TRPM3: variants seen among roughly 807,000 people sequenced by gnomAD.
TRPM3 encodes the protein long transient receptor potential channel 3.
A neutral mutation model predicts 181.2 loss-of-function variants in TRPM3; 77 were observed. The ratio of observed to expected loss-of-function variants is 0.42; its 90% CI spans 0.35 to 0.51. The LOEUF (loss-of-function observed/expected upper bound fraction) is 0.51. Ranked by LOEUF, TRPM3 falls within the 20% of genes least tolerant of loss-of-function variation. The pLI is 0.01. For synonymous variants in TRPM3, 745 were observed against 796.4 expected, an observed-to-expected ratio of 0.94 and a Z score of 1.09; for missense variants, 1,759 against 2,196.7, an observed-to-expected ratio of 0.80 and a Z score of 3.98.
At chr9:70,624,457 T>C (rs994423167) in intron 14 of TRPM3, among the ~76,000 whole-genome samples, 10 of 152,120 alleles carry the variant, frequency 6.6e-5, no homozygotes, top group Non-Finnish European at 7.4e-5. Context: ...ACTAGTGAAT[T>C]TCAGTGTAAC....
intron 1 of TRPM3, among the ~76,000 whole-genome samples, chr9:71,168,585 AT>A (rs1220995079): frequency 2.6e-4 from 9 of 35,036 alleles, no homozygotes; most frequent in Admixed American, 1.8e-3. Context: ...TTTGTTTTTT[AT>A]TTTTTTATTT....
chr9:70,856,773 G>A (rs1468384158), intron 3 of TRPM3, among the ~76,000 whole-genome samples: 1 of 152,082 alleles, frequency 6.6e-6, no homozygotes, highest in African/African-American at 2.4e-5. Flanking sequence ...AATTTAATAG[G>A]GAGTGTAAAT....
intron 1 of TRPM3, among the ~76,000 whole-genome samples, chr9:71,141,724 A>G (rs2075111067): frequency 6.6e-6 from 1 of 152,146 alleles, no homozygotes; most frequent in Admixed American, 6.5e-5. Flanking sequence ...CTTAAAATAA[A>G]TTTTTATTAC....
At chr9:71,066,336 T>G (rs540627010) in intron 1 of TRPM3, among the ~76,000 whole-genome samples, 1 of 152,296 alleles carries the variant, frequency 6.6e-6, no homozygotes, top group East Asian at 1.9e-4. Context: ...CTAAGTTTCC[T>G]GAGAAACTGA....
intron 9 of TRPM3, among the ~76,000 whole-genome samples, chr9:70,641,330 C>T (rs1481518339): frequency 6.6e-6 from 1 of 152,182 alleles, no homozygotes; most frequent in East Asian, 1.9e-4. Context: ...CTCTGCTCTA[C>T]CACACATTTT....
chr9:70,835,043 T>C (rs1352704108), intron 5 of TRPM3, among the ~76,000 whole-genome samples: 1 of 152,154 alleles, frequency 6.6e-6, no homozygotes, highest in Non-Finnish European at 1.5e-5. Flanking sequence ...GCTCTGTCAG[T>C]GCACATGAGA....
chr9:70,782,795 T>A (rs189124241), intron 7 of TRPM3, among the ~76,000 whole-genome samples: 10 of 151,584 alleles, frequency 6.6e-5, no homozygotes, highest in South Asian at 2.1e-4. Context: ...TATTATTATT[T>A]TTTGGTTTCA....
In TRPM3 at chr9:71,265,785, T is replaced by C. The variant is rs368174325; in HGVS notation, c.183+180868A>G. ...CATTTTCCTTTCTAATATCCAGCCA[T>C]TAGCTGAGTCATTAGACTACTGTCA... On this transcript the variant is annotated intron_variant, in intron 1 of 24. Coordinates refer to the TRPM3 transcript ENST00000357533. Among the ~76,000 whole-genome samples, 91 of 152,332 alleles carry C rather than the reference T, an allele frequency of 6.0e-4. 1 individual carries two copies. In the Middle Eastern group the frequency reaches 0.01, roughly 17 times the overall value.
intron 1 of TRPM3, among the ~76,000 whole-genome samples, chr9:71,144,303 C>T (rs950625597): frequency 1.3e-5 from 2 of 152,106 alleles, no homozygotes; most frequent in African/African-American, 4.8e-5. Context: ...GTAATTTACC[C>T]AATATTGGCA....
chr9:71,327,632 T>C (rs968436756), intron 1 of TRPM3, among the ~76,000 whole-genome samples: 33 of 152,208 alleles, frequency 2.2e-4, no homozygotes, highest in African/African-American at 6.8e-4. Context: ...AATGTTTAAA[T>C]AACATAGTCT....
chr9:71,403,885 A>C (rs2093388174), intron 1 of TRPM3, among the ~76,000 whole-genome samples: 1 of 151,010 alleles, frequency 6.6e-6, no homozygotes, highest in African/African-American at 2.5e-5. Context: ...CACAGGAATC[A>C]AACTTAAATT....
At chr9:71,334,097 T>G (rs1299691122) in intron 1 of TRPM3, among the ~76,000 whole-genome samples, 1 of 151,804 alleles carries the variant, frequency 6.6e-6, no homozygotes, top group African/African-American at 2.4e-5. Flanking sequence ...TAATTTTTCT[T>G]CTAAAGTATA....
In TRPM3 at chr9:70,630,787, C is replaced by T. The variant is rs550421528; in HGVS notation, c.1632+4424G>A. On this transcript the variant is annotated intron_variant, in intron 12 of 25. Coordinates refer to ENST00000677713, the MANE Select transcript of TRPM3 (RefSeq NM_001366145.2). ...CAGGCTTGGGTTCTATGAGTAGGTACGATTTGACAACTTGAAAATGTTGTC... is the reference window on the plus strand; with the variant it reads ...CAGGCTTGGGTTCTATGAGTAGGTATGATTTGACAACTTGAAAATGTTGTC... 9.2e-5 allele frequency among the ~76,000 whole-genome samples: 14 copies of T among 152,262 alleles called. No homozygotes were observed. In the South Asian group the frequency reaches 2.9e-3, roughly 32 times the overall value.
At chr9:70,645,755 TA>T (rs200543844) in intron 9 of TRPM3, among the ~76,000 whole-genome samples, 461 of 138,840 alleles carry the variant, frequency 3.3e-3, no homozygotes, top group African/African-American at 0.011. Flanking sequence ...AAAAAAAAAA[TA>T]AAAAAAATAA....
intron 5 of TRPM3, among the ~76,000 whole-genome samples, chr9:70,833,321 C>T (rs1440807534): frequency 1.3e-5 from 2 of 152,190 alleles, no homozygotes; most frequent in African/African-American, 4.8e-5. Context: ...AATCACAGGC[C>T]TTCTGCAATC....
intron 1 of TRPM3, among the ~76,000 whole-genome samples, chr9:70,891,401 G>C (rs1015361104): frequency 6.6e-6 from 1 of 152,122 alleles, no homozygotes; most frequent in Non-Finnish European, 1.5e-5. Context: ...GAAAAAAGCA[G>C]AATTATAAGC....
At chr9:70,651,920 C>A (rs1244700093) in intron 9 of TRPM3, among the ~76,000 whole-genome samples, 2 of 152,012 alleles carry the variant, frequency 1.3e-5, no homozygotes, top group African/African-American at 4.8e-5. Context: ...ATTCCTCTAA[C>A]TGAAATATTG....
chr9:70,666,414 C>T (rs561774235), intron 9 of TRPM3, among the ~76,000 whole-genome samples: 1 of 152,176 alleles, frequency 6.6e-6, no homozygotes, highest in South Asian at 2.1e-4. Context: ...AGAGCACATC[C>T]TCCAGTAGTT....
chr9:70,954,989 G>A (rs1008395884), intron 1 of TRPM3, among the ~76,000 whole-genome samples: 3 of 152,112 alleles, frequency 2.0e-5, no homozygotes, highest in African/African-American at 4.8e-5. Flanking sequence ...GAGTGCCTGC[G>A]AGTTACTTAC....
Sources: gnomAD v4.1 joint callset for allele counts (sites outside exome capture counted in the v4.1 genomes callset) on GRCh38, gnomAD v4.1.1 for gene constraint, MANE v1.5 for transcripts, NCBI Gene and HGNC (gene_info 2026-07-23, HGNC 2026-07-21) for gene names.